The following ZNF18 variants were observed in gnomAD, a reference collection of about 807,000 sequenced individuals.
ZNF18 encodes zinc finger protein 18, also known as heart development-specific gene 1 protein.
A neutral mutation model predicts 58.1 loss-of-function variants in ZNF18; 42 were observed. That is an observed-to-expected ratio of 0.72 (90% CI 0.56 to 0.93). The LOEUF is 0.93. ZNF18 is among the 40% of genes least tolerant of loss of function. The pLI, the probability that ZNF18 is intolerant of heterozygous loss-of-function variation, is 0.00. For synonymous variants in ZNF18, 231 were observed against 239.8 expected (o/e 0.96, Z 0.34); for missense variants, 540 against 644.2 (o/e 0.84, Z 1.75).
chr17:12,009,441 C>CT, the ZNF18 span, among the ~76,000 whole-genome samples: 974 of 138,296 alleles, frequency 7.0e-3, 2 homozygotes, highest in Non-Finnish European at 9.4e-3. Flanking sequence ...CATTCCCGAG[C>CT]TTTTTTTTTT....
chr17:12,003,283 C>CA, the ZNF18 span, among the ~76,000 whole-genome samples: 1 of 151,788 alleles, frequency 6.6e-6, no homozygotes, highest in East Asian at 1.9e-4. Context: ...ACCAAAAATA[C>CA]AAAAAATAAG....
At chr17:11,979,047 G>A (rs1967177921) in intron 6 of ZNF18, among the ~76,000 whole-genome samples, 1 of 149,246 alleles carries the variant, frequency 6.7e-6, no homozygotes, top group Admixed American at 6.7e-5. Context: ...TAAGGACCAG[G>A]AAAAAAACAA....
chr17:11,983,469 T>C (rs1388960402), intron 5 of ZNF18, 62 bp from the exon 6 acceptor site: 11 of 1,377,446 alleles, frequency 8.0e-6, no homozygotes, highest in Non-Finnish European at 1.1e-5. Context: ...GCTCAAGCTG[T>C]GTCTTTCAAA....
chr17:12,021,147 C>T, the ZNF18 span: 6 of 437,268 alleles, frequency 1.4e-5, no homozygotes, highest in African/African-American at 1.2e-4. Context: ...CGGCTTCCCG[C>T]CCCGCTCCCG....
At chr17:12,015,389 G>C in the ZNF18 span, among the ~76,000 whole-genome samples, 67 of 152,240 alleles carry the variant, frequency 4.4e-4, no homozygotes, top group African/African-American at 1.5e-3. Flanking sequence ...ATTTTTATCA[G>C]AACCTACCCA....
At chr17:11,985,507 T>C (rs1224794724) in intron 4 of ZNF18, among the ~76,000 whole-genome samples, 2 of 152,254 alleles carry the variant, frequency 1.3e-5, no homozygotes, top group South Asian at 4.1e-4. Flanking sequence ...CCTGTTTTCA[T>C]AGCACACTGT....
chr17:11,984,201 GAAA>G lies in ZNF18; in HGVS notation c.667-7_667-5del, dbSNP rs34299203. On this transcript the variant is annotated splice_region_variant and splice_polypyrimidine_tract_variant and intron_variant, in intron 4 of 6. Coordinates refer to ENST00000580306, the MANE Select transcript of ZNF18 (RefSeq NM_001303281.2). ...AATCCAGTTGTCTCCACTGTTCCTG[GAAA>G]AAAAAAAAAAAAAGCAATACAATAC... The G allele has an allele frequency of 4.1e-3, 6,016 of 1,461,342 alleles. No homozygotes were observed. The highest frequency in any genetic ancestry group is 8.2e-3 in the Admixed American group (385 of 47,230). The allele number at this position is 1,461,342 out of a possible 1,614,324, so 90.5% of individuals were successfully genotyped here.
the ZNF18 span, among the ~76,000 whole-genome samples, chr17:12,016,461 C>G: frequency 2.6e-5 from 4 of 152,270 alleles, no homozygotes; most frequent in Non-Finnish European, 5.9e-5. Context: ...TCCTGAGTCG[C>G]TGGGATTACA....
At chr17:12,020,969 C>T in the ZNF18 span, 7 of 1,214,054 alleles carry the variant, frequency 5.8e-6, no homozygotes, top group East Asian at 2.3e-4. Flanking sequence ...GGGTCCCCGG[C>T]GCCAGGCCAC....
In ZNF18 at chr17:11,977,962, G is replaced by C. The variant is rs756755439; in HGVS notation, c.1645C>G (p.Gln549Glu). The C allele has an allele frequency of 3.2e-6, 5 of 1,559,212 alleles. No homozygotes were observed. In the South Asian group the frequency reaches 6.2e-5, roughly 19 times the overall value. Residue 549 changes from glutamine (Q) to glutamate (E), a missense_variant, in exon 7 of 7, where the codon CAA (glutamine) becomes GAA (glutamate). Gln to Glu is a conservative substitution (Grantham distance 29). Transcript: ENST00000580306. ...QRSHLGKKPF[Q>E] The stretch of plus-strand genomic sequence containing the variant: ...AAAGAGAGTTTGGTTACTGGCTATT[G>C]AAAGGGCTTCTTTCCTAAGTGGGAT...
At chr17:12,012,974 A>G in the ZNF18 span, among the ~76,000 whole-genome samples, 1 of 147,050 alleles carries the variant, frequency 6.8e-6, no homozygotes, top group Admixed American at 6.8e-5. Context: ...TTTTTTTGAG[A>G]CAGAGTCTTG....
At chr17:12,003,114 A>G in the ZNF18 span, among the ~76,000 whole-genome samples, 5 of 152,206 alleles carry the variant, frequency 3.3e-5, no homozygotes, top group South Asian at 6.2e-4. Context: ...TAGGAGAAAT[A>G]CTAACATACA....
chr17:12,021,049 C>A, the ZNF18 span: 2 of 1,128,448 alleles, frequency 1.8e-6, no homozygotes, highest in Non-Finnish European at 2.2e-6. Flanking sequence ...GCGCGGCAAC[C>A]CGCGTCGTCG....
chr17:11,995,072 A>T (rs1489157442), intron 1 of ZNF18, among the ~76,000 whole-genome samples: 1 of 152,112 alleles, frequency 6.6e-6, no homozygotes, highest in Non-Finnish European at 1.5e-5. Flanking sequence ...TCCAATACCA[A>T]ATGTTTTTTA....
chr17:11,981,344 A>G (rs1024876459), intron 6 of ZNF18, among the ~76,000 whole-genome samples: 3 of 139,924 alleles, frequency 2.1e-5, no homozygotes, highest in African/African-American at 8.0e-5. Flanking sequence ...TTTGAGACAG[A>G]GTTTCATTCT....
intron 6 of ZNF18, among the ~76,000 whole-genome samples, chr17:11,981,476 G>A (rs1041213800): frequency 5.4e-5 from 8 of 149,382 alleles, no homozygotes; most frequent in African/African-American, 2.0e-4. Context: ...CTCACACCAT[G>A]CCCGGTTTTT....
chr17:11,984,306 A>G (rs1444950079), intron 4 of ZNF18, 109 bp from the exon 5 acceptor site: 10 of 1,072,598 alleles, frequency 9.3e-6, no homozygotes, highest in Non-Finnish European at 1.3e-5. Flanking sequence ...GTGCCATAGG[A>G]TCCTGGCCAT....
rs781135332 is a variant in ZNF18 at position 11,978,169 on chromosome 17, G to A, written c.1438C>T (p.Arg480Cys). ...CCTGTGTGGATTTTCTCGTGGTGGC[G>A]CAATCCTGAGAAGTCACTAAAGCCT... ...GKGFSDFSGL[R>C]HHEKIHTGEK... is the part of the protein sequence containing the mutation. Residue 480 changes from arginine to cysteine, a missense_variant, in exon 7 of 7, where the codon CGC becomes TGC. Transcript: ENST00000580306. The A allele has an allele frequency of 1.4e-5, 23 of 1,613,850 alleles. No individual in the cohort carries two copies. The highest frequency in any genetic ancestry group is 1.6e-4 in the Middle Eastern group (1 of 6,084).
intron 4 of ZNF18, among the ~76,000 whole-genome samples, chr17:11,988,625 T>G (rs1032344204): frequency 1.3e-5 from 2 of 152,142 alleles, no homozygotes; most frequent in African/African-American, 2.4e-5. Flanking sequence ...ACCTGGTATA[T>G]GAAGGGGCAT....
Sources: allele counts gnomAD v4.1 joint callset (sites outside exome capture counted in the v4.1 genomes callset), GRCh38; gene constraint gnomAD v4.1.1; transcripts MANE v1.5; gene names NCBI Gene and HGNC (gene_info 2026-07-23, HGNC 2026-07-21).